The following PARG variants were observed in gnomAD, a reference collection of about 807,000 sequenced individuals.
PARG encodes the protein mitochondrial poly(ADP-ribose) glycohydrolase.
Under a neutral mutation model 113.0 loss-of-function variants are expected in PARG, and 35 were observed. That is an observed-to-expected ratio of 0.31 (90% CI 0.24 to 0.41). The LOEUF is 0.41. Among genes scored for constraint, PARG ranks in the 10% least tolerant of loss-of-function variants. The probability of loss-of-function intolerance (pLI) is 1.00; values close to 1 mark genes in which losing one functional copy is unlikely to be tolerated. For synonymous variants in PARG, 330 were observed against 409.9 expected (o/e 0.81, Z 2.36); for missense variants, 797 against 1,169.4 (o/e 0.68, Z 4.64).
chr10:49,881,632 C>G lies in PARG; in HGVS notation c.1831-1802G>C, dbSNP rs868911758. ...AGAATGAACCTGAGGAAAGGGCAGGCAAGACAAACCAAAACTGCGGTGCTG... is the reference window on the plus strand; with the variant it reads ...AGAATGAACCTGAGGAAAGGGCAGGGAAGACAAACCAAAACTGCGGTGCTG... On this transcript the variant is annotated intron_variant, in intron 8 of 17. Transcript: ENST00000616448. 1.3e-3 allele frequency among the ~76,000 whole-genome samples: 195 copies of G among 152,180 alleles called. 1 individual carries two copies. Among genetic ancestry groups the G allele is most frequent in the African/African-American group, 4.5e-3 (186 of 41,504 alleles).
rs1846168959 is a variant in PARG, at chr10:49,859,762, C to T, written c.2205+1826G>A. 5.3e-5 allele frequency among the ~76,000 whole-genome samples: 8 copies of T among 152,308 alleles called. No homozygotes were observed. In the South Asian group the frequency reaches 1.2e-3, roughly 24 times the overall value. On this transcript the variant is annotated intron_variant, in intron 12 of 17. Coordinates refer to ENST00000616448, the MANE Select transcript of PARG (RefSeq NM_003631.5). The stretch of plus-strand genomic sequence containing the variant: ...CCACATTTTTAACTTGAAAGGTGTG[C>T]ACAGAAATAAAGACACTAAACTCAG...
chr10:49,829,806 G>C (rs782334673), intron 16 of PARG, among the ~76,000 whole-genome samples: 4 of 152,134 alleles, frequency 2.6e-5, no homozygotes, highest in African/African-American at 9.7e-5. Flanking sequence ...CATACATTGG[G>C]TATTTCTCCC....
chr10:49,929,841 A>G (rs1452298893), intron 4 of PARG, among the ~76,000 whole-genome samples: 1 of 151,810 alleles, frequency 6.6e-6, no homozygotes, highest in East Asian at 1.9e-4. Flanking sequence ...AAAAAAAAAA[A>G]AAAGAAATAC....
intron 16 of PARG, among the ~76,000 whole-genome samples, chr10:49,822,597 T>G (rs942384486): frequency 6.6e-6 from 1 of 152,188 alleles, no homozygotes; most frequent in African/African-American, 2.4e-5. Context: ...TTGCAACCAC[T>G]GTGGTAAAGG....
Position 49,941,906 on chromosome 10 carries a change from C to T in PARG, c.-181G>A. 3.4e-6 allele frequency: 4 copies of T among 1,179,982 alleles called. No homozygotes were observed. The highest frequency in any genetic ancestry group is 2.5e-4 in the Middle Eastern group (1 of 3,940). 73.1% of individuals were successfully genotyped at this position (1,179,982 alleles called of 1,614,324 possible). ...CCCAAGTCAGGCCGTAAACACTCGC[C>T]TGCCTTCCCTCTTCCACTGGCACCC... On this transcript the variant is annotated 5_prime_UTR_variant, in exon 1 of 18. Coordinates refer to ENST00000616448, the MANE Select transcript of PARG (RefSeq NM_003631.5).
chr10:49,856,772 G>A (rs1449639688), intron 13 of PARG, among the ~76,000 whole-genome samples: 1 of 152,064 alleles, frequency 6.6e-6, no homozygotes, highest in Non-Finnish European at 1.5e-5. Context: ...CAATTTGGGA[G>A]GCCGAGGCGG....
At chr10:49,880,444 G>A (rs1211118610) in intron 8 of PARG, among the ~76,000 whole-genome samples, 3 of 152,088 alleles carry the variant, frequency 2.0e-5, no homozygotes, top group Admixed American at 2.0e-4. Flanking sequence ...AACATTCCAA[G>A]TCAAGGAAGA....
chr10:49,932,819 A>C (rs1838555932), intron 3 of PARG, among the ~76,000 whole-genome samples: 1 of 151,810 alleles, frequency 6.6e-6, no homozygotes, highest in South Asian at 2.1e-4. Flanking sequence ...ACGGCATTAA[A>C]CAAAGTGTAA....
At chr10:49,936,115 G>A (rs1838726593) in intron 1 of PARG, among the ~76,000 whole-genome samples, 1 of 152,082 alleles carries the variant, frequency 6.6e-6, no homozygotes, top group Non-Finnish European at 1.5e-5. Flanking sequence ...ATGAAGGCAT[G>A]AGGGGAGCTG....
At chr10:49,895,742 C>A (rs1554842615) in intron 7 of PARG, among the ~76,000 whole-genome samples, 2 of 152,020 alleles carry the variant, frequency 1.3e-5, no homozygotes, top group African/African-American at 4.8e-5. Context: ...GTCATCCGGT[C>A]CATGAGCATG....
intron 7 of PARG, among the ~76,000 whole-genome samples, chr10:49,913,154 A>G (rs1554846762): frequency 6.6e-6 from 1 of 152,220 alleles, no homozygotes; most frequent in Non-Finnish European, 1.5e-5. Context: ...AGCGTGGGCA[A>G]TGTTGTCCCT....
intron 13 of PARG, among the ~76,000 whole-genome samples, chr10:49,846,343 C>A (rs1845506147): frequency 6.7e-6 from 1 of 148,414 alleles, no homozygotes; most frequent in Non-Finnish European, 1.5e-5. Flanking sequence ...CAGAAAAAGG[C>A]TCAAGGGAAT....
At chr10:49,884,245 A>G (rs1847352750) in intron 8 of PARG, among the ~76,000 whole-genome samples, 1 of 152,222 alleles carries the variant, frequency 6.6e-6, no homozygotes, top group Non-Finnish European at 1.5e-5. Context: ...TAATTTTGAC[A>G]TAATTTGTTA....
intron 1 of PARG, among the ~76,000 whole-genome samples, chr10:49,939,902 A>C (rs1488343561): frequency 1.3e-5 from 2 of 152,140 alleles, no homozygotes; most frequent in Admixed American, 1.3e-4. Flanking sequence ...AGCCTCTTAC[A>C]CTGTTAACGA....
At chr10:49,853,012 T>C (rs1653949115) in intron 13 of PARG, among the ~76,000 whole-genome samples, 1 of 151,272 alleles carries the variant, frequency 6.6e-6, no homozygotes, top group Non-Finnish European at 1.5e-5. Context: ...AATCCAAATC[T>C]ACCTTAACAG....
At chr10:49,885,477 C>G (rs2664508) in intron 7 of PARG, among the ~76,000 whole-genome samples, 182 bp from the exon 8 acceptor site, 1 of 152,108 alleles carries the variant, frequency 6.6e-6, no homozygotes, top group South Asian at 2.1e-4. Flanking sequence ...AAATAAACTT[C>G]CAAATTCATT....
intron 16 of PARG, among the ~76,000 whole-genome samples, chr10:49,824,333 A>T (rs1274445580): frequency 6.6e-6 from 1 of 152,192 alleles, no homozygotes; most frequent in East Asian, 1.9e-4. Context: ...CTCATGATTT[A>T]AGTGAACTCT....
intron 16 of PARG, among the ~76,000 whole-genome samples, chr10:49,826,912 C>T (rs1217713664): frequency 2.0e-5 from 3 of 152,122 alleles, no homozygotes; most frequent in African/African-American, 7.2e-5. Context: ...AAAATGAGGC[C>T]ATTATATTGA....
At chr10:49,880,827 A>G (rs1435279685) in intron 8 of PARG, among the ~76,000 whole-genome samples, 1 of 152,212 alleles carries the variant, frequency 6.6e-6, no homozygotes, top group African/African-American at 2.4e-5. Flanking sequence ...ACTCAATTCC[A>G]GCCTGACTCG....
Sources: allele counts gnomAD v4.1 joint callset (sites outside exome capture counted in the v4.1 genomes callset), GRCh38; gene constraint gnomAD v4.1.1; transcripts MANE v1.5; gene names NCBI Gene and HGNC (gene_info 2026-07-23, HGNC 2026-07-21).